Variants in MCCC2 observed in about 807,000 individuals in gnomAD.
The protein encoded by MCCC2 is methylcrotonoyl-CoA carboxylase beta chain, mitochondrial.
In MCCC2, 52 loss-of-function variants were observed where a neutral mutation model predicts 77.2. The observed-to-expected ratio is 0.67, with a 90% CI of 0.54 to 0.85. The LOEUF is 0.85. MCCC2 is among the 40% of genes least tolerant of loss of function. MCCC2 has a pLI of 0.00. For synonymous variants in MCCC2, 253 were observed against 248.4 expected (o/e 1.02, Z -0.18); for missense variants, 682 against 703.2 (o/e 0.97, Z 0.34).
chr5:71,604,298 C>G (rs1745576171), intron 5 of MCCC2, 58 bp from the exon 6 acceptor site: 2 of 1,421,894 alleles, frequency 1.4e-6, no homozygotes, highest in South Asian at 2.3e-5. Flanking sequence ...ACAAGTTTCC[C>G]TCTGCGTAGC....
At chr5:71,609,952 GA>G (rs1745857459) in intron 6 of MCCC2, among the ~76,000 whole-genome samples, 1 of 152,086 alleles carries the variant, frequency 6.6e-6, no homozygotes, top group Non-Finnish European at 1.5e-5. Flanking sequence ...TGTGCTGGGA[GA>G]ACCACTGCTC....
In MCCC2 at chr5:71,595,306, G is replaced by A. The variant is rs535506870; in HGVS notation, c.197-974G>A. ...TTAGCTGGAGTGGTGGCACATGCCT[G>A]TAGTCCCAGCTGCTGGGAAGCCTGA... On this transcript the variant is annotated intron_variant, in intron 2 of 16. Coordinates refer to ENST00000340941, the MANE Select transcript of MCCC2 (RefSeq NM_022132.5). 2.6e-5 allele frequency among the ~76,000 whole-genome samples: 4 copies of A among 152,058 alleles called. 1 individual carries two copies. In the South Asian group the frequency reaches 8.3e-4, roughly 32 times the overall value.
chr5:71,635,335 A>G (rs1293377389), intron 10 of MCCC2, 89 bp downstream of exon 10: 3 of 1,144,802 alleles, frequency 2.6e-6, no homozygotes, highest in Admixed American at 1.7e-5. Context: ...TTGTTAAGAT[A>G]TGTTCATGCC....
chr5:71,626,876 T>C (rs1158554993), intron 7 of MCCC2, 123 bp downstream of exon 7: 2 of 935,536 alleles, frequency 2.1e-6, no homozygotes, highest in East Asian at 2.6e-5. Context: ...TAAAACTTAC[T>C]GTTGTAACCG....
At chr5:71,652,457 T>C (rs1747461000) in intron 15 of MCCC2, among the ~76,000 whole-genome samples, 1 of 152,232 alleles carries the variant, frequency 6.6e-6, no homozygotes, top group Non-Finnish European at 1.5e-5. Flanking sequence ...CTCAGGATAT[T>C]GTCTCTGTTA....
rs60010762 is a variant in MCCC2, at chr5:71,618,488, T to TCTTCCTTCCTTC, written c.625-8100_625-8089dup. On this transcript the variant is annotated intron_variant, in intron 6 of 16. Transcript: ENST00000340941. ...TTCTTTCTTTCTTTCCTTCTTTCCT[T>TCTTCCTTCCTTC]CTTCCTTCCTTCCTTCCTTCCTTCC... Among the ~76,000 whole-genome samples the TCTTCCTTCCTTC allele has an allele frequency of 1.9e-3, 187 of 97,204 alleles. 2 individuals are homozygous for TCTTCCTTCCTTC. The highest frequency in any genetic ancestry group is 5.6e-3 in the African/African-American group (146 of 25,940). The allele number at this position is 97,204 out of a possible 152,430, so 63.8% of individuals were successfully genotyped here.
At chr5:71,637,433 G>A (rs1288331456) in intron 10 of MCCC2, among the ~76,000 whole-genome samples, 1 of 152,216 alleles carries the variant, frequency 6.6e-6, no homozygotes, top group Non-Finnish European at 1.5e-5. Flanking sequence ...GTGTGCAGGA[G>A]CACCTTGCCT....
chr5:71,646,565 C>T (rs1046426447), intron 13 of MCCC2, among the ~76,000 whole-genome samples: 3 of 152,170 alleles, frequency 2.0e-5, no homozygotes, highest in South Asian at 2.1e-4. Flanking sequence ...TCACCCAGAC[C>T]ATGTTGCCCA....
chr5:71,603,630 G>T (rs558024580), intron 5 of MCCC2, among the ~76,000 whole-genome samples: 26 of 152,286 alleles, frequency 1.7e-4, no homozygotes, highest in African/African-American at 6.3e-4. Context: ...AGGCCCAGCT[G>T]CTTGTAGGTG....
intron 6 of MCCC2, among the ~76,000 whole-genome samples, chr5:71,609,397 G>A (rs556501625): frequency 2.6e-5 from 4 of 151,418 alleles, no homozygotes; most frequent in East Asian, 1.9e-4. Context: ...CGTAGTTCTC[G>A]AGCCTTGGTT....
At position 71,626,768 on chromosome 5, in the gene MCCC2, A is replaced by T; in HGVS notation, c.738+15A>T. The T allele has an allele frequency of 6.2e-7, 1 of 1,606,624 alleles. No individual in the cohort carries two copies. The highest frequency in any genetic ancestry group is 8.5e-7 in the Non-Finnish European group (1 of 1,173,216). On this transcript the variant is annotated intron_variant, in intron 7 of 16. Transcript: ENST00000340941. ...GACCCCCCTTGGTAAGAACATAAGA[A>T]CGTTGGTCGATGGAAATTAAGTATG...
chr5:71,612,991 C>T (rs1746019812), intron 6 of MCCC2, among the ~76,000 whole-genome samples: 1 of 152,222 alleles, frequency 6.6e-6, no homozygotes, highest in Admixed American at 6.5e-5. Context: ...TCTTCCAGCT[C>T]CTGGTGGCTC....
At chr5:71,613,590 G>A (rs1262906357) in intron 6 of MCCC2, among the ~76,000 whole-genome samples, 3 of 152,138 alleles carry the variant, frequency 2.0e-5, no homozygotes, top group African/African-American at 7.2e-5. Context: ...GAGCCCAGGT[G>A]AGACCAGCCT....
rs1271021989 is a variant in MCCC2, at chr5:71,657,930, C to G, written c.*1070C>G. 1 of 152,122 alleles carries G rather than the reference C, an allele frequency of 6.6e-6. No homozygotes were observed. The highest frequency in any genetic ancestry group is 1.5e-5 in the Non-Finnish European group (1 of 68,060). 9.4% of individuals were successfully genotyped at this position (152,122 alleles called of 1,614,324 possible). The stretch of plus-strand genomic sequence containing the variant: ...ATCTGTACTGGTTGTTGTGGAGGAA[C>G]CTCTGGCTTGCTCATTAAGTCCTAC... On this transcript the variant is annotated 3_prime_UTR_variant, in exon 17 of 17. Transcript: ENST00000340941.
intron 15 of MCCC2, 83 bp from the exon 16 acceptor site, chr5:71,652,586 T>C (rs1747464469): frequency 9.9e-7 from 1 of 1,007,400 alleles, no homozygotes; most frequent in Admixed American, 1.8e-5. Context: ...TCATGACATC[T>C]GTTGTTTCTT....
Position 71,643,860 on chromosome 5 carries a change from A to C in MCCC2, c.1114A>C (p.Asn372His), listed in dbSNP as rs1747200092. ...TGGGTACCCAGTAGGTATCGTTGGA[A>C]ACAACGGAGTTCTCTTTTCTGAATC... is the stretch of plus-strand genomic sequence containing the variant. ...IFGYPVGIVG[N>H]NGVLFSESAK... Residue 372 changes from asparagine to histidine, a missense_variant, in exon 12 of 17, where the codon AAC (asparagine) becomes CAC (histidine). Asn to His is a moderately conservative substitution (Grantham distance 68). Transcript: ENST00000340941. 6.2e-7 allele frequency: 1 copy of C among 1,614,024 alleles called. No individual in the cohort carries two copies. Among genetic ancestry groups the C allele is most frequent in the Non-Finnish European group, 8.5e-7 (1 of 1,180,016 alleles).
In MCCC2 at chr5:71,640,720, C is replaced by T. The variant is rs544196668; in HGVS notation, c.1000-283C>T. On this transcript the variant is annotated intron_variant, in intron 10 of 16. Transcript: ENST00000340941. The stretch of plus-strand genomic sequence containing the variant: ...ACCTCTGCCGGTACATTCGAACAGT[C>T]CTTGAAGCTCTAAGTCTAGCAACCA... Among the ~76,000 whole-genome samples the T allele has an allele frequency of 4.6e-5, 7 of 152,314 alleles. No homozygotes were observed. The East Asian group carries it at 1.4e-3, about 29-fold the overall frequency.
intron 7 of MCCC2, among the ~76,000 whole-genome samples, chr5:71,628,707 A>G (rs1034330889): frequency 1.3e-5 from 2 of 152,236 alleles, no homozygotes; most frequent in African/African-American, 2.4e-5. Context: ...CAGCTATACA[A>G]TTGTTTGACT....
chr5:71,617,750 G>A (rs1580302277), intron 6 of MCCC2, among the ~76,000 whole-genome samples: 1 of 152,078 alleles, frequency 6.6e-6, no homozygotes, highest in African/African-American at 2.4e-5. Flanking sequence ...TCTCTCCAAG[G>A]TTGGTTTTTA....
Sources: allele counts gnomAD v4.1 joint callset (sites outside exome capture counted in the v4.1 genomes callset), GRCh38; gene constraint gnomAD v4.1.1; transcripts MANE v1.5; gene names NCBI Gene and HGNC (gene_info 2026-07-23, HGNC 2026-07-21).